Variants in EMC6 observed in about 807,000 individuals in gnomAD.
EMC6 encodes ER membrane protein complex subunit 6, also known as transmembrane protein 93.
A neutral mutation model predicts 6.5 loss-of-function variants in EMC6; 1 was observed. That is an observed-to-expected ratio of 0.15 (90% CI 0.05 to 0.73). EMC6 has a LOEUF of 0.73. Ranked by LOEUF, EMC6 falls within the 30% of genes least tolerant of loss-of-function variation. EMC6 has a pLI of 0.78. For missense variants in EMC6, 114 were observed against 146.7 expected, an observed-to-expected ratio of 0.78 and a Z score of 1.15; for synonymous variants, 96 against 74.3, an observed-to-expected ratio of 1.29 and a Z score of -1.50.
chr17:3,669,282 C>T lies in EMC6; in HGVS notation c.136C>T (p.Leu46Phe). The T allele has an allele frequency of 1.9e-6, 3 of 1,614,050 alleles. No individual in the cohort carries two copies. In the East Asian group the frequency reaches 6.7e-5, roughly 36 times the overall value. ...GGGGGCCACGGCCGGCATCCTCGGC[C>T]TCACCGGCCTCTACGGCTTCATCTT... ...LSGATAGILG[L>F]TGLYGFIFYL... Residue 46 changes from leucine (L) to phenylalanine (F), a missense_variant, in exon 2 of 2, where the codon CTC becomes TTC. By Grantham distance (22) the Leu-to-Phe change is conservative (BLOSUM62 0). Coordinates refer to ENST00000248378, the MANE Select transcript of EMC6 (RefSeq NM_031298.4).
In EMC6 at chr17:3,669,499, T is replaced by C; in HGVS notation, c.*20T>C. On this transcript the variant is annotated 3_prime_UTR_variant, in exon 2 of 2. Transcript: ENST00000248378. The stretch of plus-strand genomic sequence containing the variant: ...TACTGAAATGGGGGCCCGGGGGACT[T>C]TTTTAAAAAACCAGATCGGGAGGAC... 2 of 1,561,550 alleles carry C rather than the reference T, an allele frequency of 1.3e-6. No homozygotes were observed. Among genetic ancestry groups the C allele is most frequent in the Non-Finnish European group, 1.7e-6 (2 of 1,153,008 alleles).
chr17:3,669,481 A>C lies in EMC6; in HGVS notation c.*2A>C. 6.3e-7 allele frequency: 1 copy of C among 1,579,770 alleles called. No homozygotes were observed. Among genetic ancestry groups the C allele is most frequent in the Non-Finnish European group, 8.6e-7 (1 of 1,160,966 alleles). ...TACGGCATGGTGCACGTCTACTGAA[A>C]TGGGGGCCCGGGGGACTTTTTTAAA... On this transcript the variant is annotated 3_prime_UTR_variant, in exon 2 of 2. Transcript: ENST00000248378.
chr17:3,668,921 G>A lies in EMC6; in HGVS notation c.-50+22G>A. ...CCAGGTAACTGGGCCACCGTGGCCGGGGAACGCAGACGCGCCACCACCTCC... is the reference window on the plus strand; with the variant it reads ...CCAGGTAACTGGGCCACCGTGGCCGAGGAACGCAGACGCGCCACCACCTCC... On this transcript the variant is annotated intron_variant, in intron 1 of 1. Coordinates refer to ENST00000248378, the MANE Select transcript of EMC6 (RefSeq NM_031298.4). This position sits in a 1 kb window ranked among gnomAD's most constrained non-coding sequence, Gnocchi z 4.1. 1 of 564,528 alleles carries A rather than the reference G, an allele frequency of 1.8e-6. No homozygotes were observed. The highest frequency in any genetic ancestry group is 2.5e-5 in the South Asian group (1 of 40,006). The allele number at this position is 564,528 out of a possible 1,614,324, so 35.0% of individuals were successfully genotyped here. A position where few individuals can be genotyped will look rare whatever the true frequency, so the allele number is the denominator to read the frequency against.
Position 3,669,294 on chromosome 17 carries a change from T to A in EMC6, c.148T>A (p.Tyr50Asn). The change falls in exon 2 of 2, where the codon TAC (tyrosine) becomes AAC (asparagine). Residue 50 changes from tyrosine to asparagine, a missense_variant. Tyr to Asn is a moderately radical substitution (Grantham distance 143). Transcript: ENST00000248378. ...CGGCATCCTCGGCCTCACCGGCCTC[T>A]ACGGCTTCATCTTCTACCTGCTCGC... ...TAGILGLTGL[Y>N]GFIFYLLASV... 6.2e-7 allele frequency: 1 copy of A among 1,614,130 alleles called. No individual in the cohort carries two copies. The highest frequency in any genetic ancestry group is 8.5e-7 in the Non-Finnish European group (1 of 1,180,042).
rs1258441227 is a variant in EMC6, at chr17:3,669,590, C to T, written c.*111C>T. ...TAAGTGGTTGAATTCGCTGCTTGTT[C>T]TGTAACGTTATAAATAATTTATATC... On this transcript the variant is annotated 3_prime_UTR_variant, in exon 2 of 2. Transcript: ENST00000248378. 4 of 794,860 alleles carry T rather than the reference C, an allele frequency of 5.0e-6. No homozygotes were observed. The African/African-American group carries it at 5.2e-5, about 10-fold the overall frequency. The allele number at this position is 794,860 out of a possible 1,614,324, so 49.2% of individuals were successfully genotyped here.
In EMC6 at chr17:3,669,081, C is replaced by T. The variant is rs1364755858; in HGVS notation, c.-49-17C>T. The T allele has an allele frequency of 2.0e-5, 29 of 1,424,296 alleles. No homozygotes were observed. The highest frequency in any genetic ancestry group is 2.4e-5 in the Non-Finnish European group (26 of 1,087,888). 88.2% of individuals were successfully genotyped at this position (1,424,296 alleles called of 1,614,324 possible). On this transcript the variant is annotated splice_polypyrimidine_tract_variant and intron_variant, in intron 1 of 1. Transcript: ENST00000248378. ...ACCGAGCTCCGGGCGCCACTTGTAA[C>T]TTGGTTTTCTCCGCAGCTCCGCGTT...
intron 1 of EMC6, 28 bp from the exon 2 acceptor site, chr17:3,669,070 G>T: frequency 1.5e-6 from 2 of 1,375,760 alleles, no homozygotes; most frequent in Non-Finnish European, 1.9e-6. Flanking sequence ...AGCTCCGGGC[G>T]CCACTTGTAA....
At position 3,668,883 on chromosome 17, in the gene EMC6, C is replaced by T. The variant is rs574062792; in HGVS notation, c.-66C>T. 127 of 556,016 alleles carry T rather than the reference C, an allele frequency of 2.3e-4. No homozygotes were observed. The highest frequency in any genetic ancestry group is 6.2e-4 in the Admixed American group (18 of 29,026). The allele number at this position is 556,016 out of a possible 1,614,324, so 34.4% of individuals were successfully genotyped here. On this transcript the variant is annotated 5_prime_UTR_variant, in exon 1 of 2. Transcript: ENST00000248378. The surrounding 1 kb of genome is among the most constrained non-coding windows in gnomAD (Gnocchi z 4.1). ...TCTGAGGGAACGCTAAGTAGTGTGTCCGGCGCCGTGTTCCAGGTAACTGGG... is the reference window on the plus strand; with the variant it reads ...TCTGAGGGAACGCTAAGTAGTGTGTTCGGCGCCGTGTTCCAGGTAACTGGG...
chr17:3,669,374 A>T lies in EMC6; in HGVS notation c.228A>T (p.Lys76Asn). The T allele has an allele frequency of 6.2e-7, 1 of 1,614,106 alleles. No individual in the cohort carries two copies. The highest frequency in any genetic ancestry group is 8.5e-7 in the Non-Finnish European group (1 of 1,180,030). Residue 76 changes from lysine (K) to asparagine (N), a missense_variant, in exon 2 of 2, where the codon AAA becomes AAT. Physicochemically the swap from Lys to Asn is moderately conservative, Grantham distance 94 (BLOSUM62 0). Coordinates refer to ENST00000248378, the MANE Select transcript of EMC6 (RefSeq NM_031298.4). Reference protein sequence around the residue: ...LILKAGRRWNKYFKSRRPLFT... With the variant: ...LILKAGRRWNNYFKSRRPLFT... The stretch of plus-strand genomic sequence containing the variant: ...TCAAGGCGGGAAGGAGGTGGAACAA[A>T]TATTTCAAATCACGGAGACCTCTCT...
chr17:3,669,082 T>C lies in EMC6; in HGVS notation c.-49-16T>C. Reference sequence around the variant, plus strand: ...CCGAGCTCCGGGCGCCACTTGTAACTTGGTTTTCTCCGCAGCTCCGCGTTG... The same window carrying C: ...CCGAGCTCCGGGCGCCACTTGTAACCTGGTTTTCTCCGCAGCTCCGCGTTG... On this transcript the variant is annotated splice_polypyrimidine_tract_variant and intron_variant, in intron 1 of 1. Transcript: ENST00000248378. 1.4e-6 allele frequency: 2 copies of C among 1,426,024 alleles called. No homozygotes were observed. Among genetic ancestry groups the C allele is most frequent in the Non-Finnish European group, 1.8e-6 (2 of 1,089,358 alleles). The allele number at this position is 1,426,024 out of a possible 1,614,324, so 88.3% of individuals were successfully genotyped here. A position where few individuals can be genotyped will look rare whatever the true frequency, so the allele number is the denominator to read the frequency against.
rs1352595792 is a variant in EMC6 at position 3,669,334 on chromosome 17, C to A, written c.188C>A (p.Ser63Tyr). The A allele has an allele frequency of 1.2e-6, 2 of 1,614,198 alleles. No homozygotes were observed. Among genetic ancestry groups the A allele is most frequent in the South Asian group, 1.1e-5 (1 of 91,084 alleles). ...IFYLLASVLL[S>Y]LLLILKAGRR... ...TACCTGCTCGCCTCCGTCCTGCTCT[C>A]CCTGCTCCTCATTCTCAAGGCGGGA... The change falls in exon 2 of 2, where the codon TCC (serine) becomes TAC (tyrosine). Residue 63 changes from serine to tyrosine, a missense_variant. Physicochemically the swap from Ser to Tyr is moderately radical, Grantham distance 144 (BLOSUM62 -2). Coordinates refer to ENST00000248378, the MANE Select transcript of EMC6 (RefSeq NM_031298.4).
rs979590525 is a variant in EMC6, at chr17:3,668,966, A to T, written c.-50+67A>T. 1 of 634,212 alleles carries T rather than the reference A, an allele frequency of 1.6e-6. No individual in the cohort carries two copies. The highest frequency in any genetic ancestry group is 3.0e-5 in the East Asian group (1 of 33,776). 39.3% of individuals were successfully genotyped at this position (634,212 alleles called of 1,614,324 possible). ...ACCTCCCGGCCGGCCCGGACCCTCAATCTCCTCGGCGTCTTTGGAAGATCC... is the reference window on the plus strand; with the variant it reads ...ACCTCCCGGCCGGCCCGGACCCTCATTCTCCTCGGCGTCTTTGGAAGATCC... On this transcript the variant is annotated intron_variant, in intron 1 of 1. Coordinates refer to ENST00000248378, the MANE Select transcript of EMC6 (RefSeq NM_031298.4). This position sits in a 1 kb window ranked among gnomAD's most constrained non-coding sequence, Gnocchi z 4.1.
In EMC6 at chr17:3,669,434, C is replaced by T. The variant is rs1268894609; in HGVS notation, c.288C>T (p.Tyr96=). Residue 96 remains tyrosine, a synonymous_variant, in exon 2 of 2, where the codon TAC becomes TAT. Transcript: ENST00000248378. ...TGGLIGGLFT[Y]VLFWTFLYGM... ...GCCTCATCGGGGGCCTCTTCACCTA[C>T]GTCCTGTTCTGGACGTTCCTCTACG... 2 of 1,613,770 alleles carry T rather than the reference C, an allele frequency of 1.2e-6. No homozygotes were observed. Among genetic ancestry groups the T allele is most frequent in the Non-Finnish European group, 1.7e-6 (2 of 1,179,944 alleles).
chr17:3,669,142 G>C lies in EMC6; in HGVS notation c.-5G>C. ...AAAGCGAGAGGCCGAGCCCGGGCTG[G>C]TGCGATGGCCGCGGTGGTGGCCAAG... is the stretch of plus-strand genomic sequence containing the variant. On this transcript the variant is annotated 5_prime_UTR_variant, in exon 2 of 2. Transcript: ENST00000248378. 1 of 1,512,002 alleles carries C rather than the reference G, an allele frequency of 6.6e-7. No individual in the cohort carries two copies. The allele number at this position is 1,512,002 out of a possible 1,614,324, so 93.7% of individuals were successfully genotyped here.
In EMC6 at chr17:3,669,276, C is replaced by T. The variant is rs1392969087; in HGVS notation, c.130C>T (p.Leu44Phe). ...SALSGATAGI[L>F]GLTGLYGFIF... ...GCTGTCGGGGGCCACGGCCGGCATC[C>T]TCGGCCTCACCGGCCTCTACGGCTT... The change falls in exon 2 of 2, where the codon CTC (leucine) becomes TTC (phenylalanine). Residue 44 changes from leucine to phenylalanine, a missense_variant. Coordinates refer to ENST00000248378, the MANE Select transcript of EMC6 (RefSeq NM_031298.4). 6 of 1,613,918 alleles carry T rather than the reference C, an allele frequency of 3.7e-6. No homozygotes were observed. Among genetic ancestry groups the T allele is most frequent in the Non-Finnish European group, 5.1e-6 (6 of 1,180,038 alleles).
Position 3,669,548 on chromosome 17 carries a change from T to A in EMC6, c.*69T>A. 8.0e-7 allele frequency: 1 copy of A among 1,254,376 alleles called. No individual in the cohort carries two copies. The highest frequency in any genetic ancestry group is 1.1e-6 in the Non-Finnish European group (1 of 900,780). The allele number at this position is 1,254,376 out of a possible 1,614,324, so 77.7% of individuals were successfully genotyped here. On this transcript the variant is annotated 3_prime_UTR_variant, in exon 2 of 2. Coordinates refer to ENST00000248378, the MANE Select transcript of EMC6 (RefSeq NM_031298.4). ...ACTGTGGCCAGCAATTAACACCATG[T>A]AGACTTCCTTAGTTCTTAAGTGGTT...
chr17:3,668,944 T>TCC lies in EMC6; in HGVS notation c.-50+47_-50+48dup. The TCC allele has an allele frequency of 6.8e-6, 4 of 585,160 alleles. 1 individual carries two copies. In the South Asian group the frequency reaches 9.8e-5, roughly 14 times the overall value. 36.2% of individuals were successfully genotyped at this position (585,160 alleles called of 1,614,324 possible). A position where few individuals can be genotyped will look rare whatever the true frequency, so the allele number is the denominator to read the frequency against. The stretch of plus-strand genomic sequence containing the variant: ...CGGGGAACGCAGACGCGCCACCACC[T>TCC]CCCGGCCGGCCCGGACCCTCAATCT... On this transcript the variant is annotated intron_variant, in intron 1 of 1. Transcript: ENST00000248378. The surrounding 1 kb of genome is among the most constrained non-coding windows in gnomAD (Gnocchi z 4.1).
chr17:3,669,422 C>T lies in EMC6; in HGVS notation c.276C>T (p.Gly92=), dbSNP rs2049979397. ...TCTTTACAGGAGGCCTCATCGGGGG[C>T]CTCTTCACCTACGTCCTGTTCTGGA... The part of the protein sequence containing the change: ...RPLFTGGLIG[G]LFTYVLFWTF... The change falls in exon 2 of 2, where the codon GGC becomes GGT. Residue 92 remains glycine, a synonymous_variant. Transcript: ENST00000248378. The T allele has an allele frequency of 1.2e-6, 2 of 1,613,876 alleles. No homozygotes were observed. Among genetic ancestry groups the T allele is most frequent in the Non-Finnish European group, 8.5e-7 (1 of 1,179,994 alleles).
chr17:3,669,541 C>A lies in EMC6; in HGVS notation c.*62C>A. ...CGGGAGGACTGTGGCCAGCAATTAA[C>A]ACCATGTAGACTTCCTTAGTTCTTA... On this transcript the variant is annotated 3_prime_UTR_variant, in exon 2 of 2. Coordinates refer to ENST00000248378, the MANE Select transcript of EMC6 (RefSeq NM_031298.4). 1 of 1,363,924 alleles carries A rather than the reference C, an allele frequency of 7.3e-7. No homozygotes were observed. The highest frequency in any genetic ancestry group is 1.0e-6 in the Non-Finnish European group (1 of 994,080). The allele number at this position is 1,363,924 out of a possible 1,614,324, so 84.5% of individuals were successfully genotyped here.
Sources: allele counts gnomAD v4.1 joint callset, GRCh38; gene constraint gnomAD v4.1.1; non-coding constraint Gnocchi (gnomAD v3.1); transcripts MANE v1.5; gene names NCBI Gene and HGNC (gene_info 2026-07-23, HGNC 2026-07-21).